ABCB1: variants seen among roughly 807,000 people sequenced by gnomAD.
ABCB1 encodes the protein ATP binding cassette subfamily B member 1.
ABCB1 carries 69 observed loss-of-function variants against 142.0 expected under a neutral mutation model. That is an observed-to-expected ratio of 0.49 (90% confidence interval 0.40 to 0.59). ABCB1 has a LOEUF of 0.59. Among genes scored for constraint, ABCB1 ranks in the 20% least tolerant of loss-of-function variants. The pLI is 0.00. For missense variants in ABCB1, 1,326 were observed against 1,554.7 expected, an observed-to-expected ratio of 0.85 and a Z score of 2.47; for synonymous variants, 532 against 539.2, an observed-to-expected ratio of 0.99 and a Z score of 0.18.
chr7:87,632,394 G>GT (rs796673014), intron 1 of ABCB1, among the ~76,000 whole-genome samples: 30 of 151,952 alleles, frequency 2.0e-4, no homozygotes, highest in African/African-American at 1.2e-4. Context: ...TAATTCATTA[G>GT]TTTTTTTTAG....
At chr7:87,624,361 G>A (rs1223985175) in intron 1 of ABCB1, among the ~76,000 whole-genome samples, 1 of 152,194 alleles carries the variant, frequency 6.6e-6, no homozygotes, top group Non-Finnish European at 1.5e-5. Context: ...ACTTCTCTGA[G>A]ACTAGAATAA....
chr7:87,609,620 A>G (rs1033055575), intron 1 of ABCB1, among the ~76,000 whole-genome samples: 8 of 152,226 alleles, frequency 5.3e-5, no homozygotes, highest in Admixed American at 6.5e-5. Context: ...AGGCGCAATC[A>G]TATTCTCTAG....
intron 1 of ABCB1, among the ~76,000 whole-genome samples, chr7:87,685,453 G>C (rs980550293): frequency 7.9e-5 from 12 of 152,258 alleles, no homozygotes; most frequent in Non-Finnish European, 1.2e-4. Flanking sequence ...TCTTTCATGT[G>C]ATGCCTGGAT....
chr7:87,626,202 CAT>C (rs373606011), intron 1 of ABCB1, among the ~76,000 whole-genome samples: 6 of 108,560 alleles, frequency 5.5e-5, no homozygotes, highest in Admixed American at 2.0e-4. Context: ...ATATATATGT[CAT>C]ATATATGTGT....
rs184514144 is a variant in ABCB1 at position 87,560,746 on chromosome 7, C to T, written c.827+517G>A. Among the ~76,000 whole-genome samples, 3 of 152,252 alleles carry T rather than the reference C, an allele frequency of 2.0e-5. No individual in the cohort carries two copies. The East Asian group carries it at 5.8e-4, about 29-fold the overall frequency. ...AAATTTCAATAAATTACCATCTATGCTTTCAGAAATCTAATAAAAGGGAAC... is the reference window on the plus strand; with the variant it reads ...AAATTTCAATAAATTACCATCTATGTTTTCAGAAATCTAATAAAAGGGAAC... On this transcript the variant is annotated intron_variant, in intron 8 of 27. Transcript: ENST00000622132.
intron 16 of ABCB1, 113 bp from the exon 17 acceptor site, chr7:87,544,388 G>T: frequency 9.4e-7 from 1 of 1,060,096 alleles, no homozygotes; most frequent in Non-Finnish European, 1.4e-6. Flanking sequence ...CCTTATCAAT[G>T]AATAAGTGAT....
chr7:87,558,399 T>C (rs887841702), intron 8 of ABCB1, among the ~76,000 whole-genome samples: 3 of 152,162 alleles, frequency 2.0e-5, no homozygotes, highest in African/African-American at 7.2e-5. Context: ...TACCCAGAGA[T>C]CTTATTGTAT....
At position 87,599,541 on chromosome 7, in the gene ABCB1, G is replaced by A. The variant is rs577290651; in HGVS notation, c.68+576C>T. 2.0e-5 allele frequency among the ~76,000 whole-genome samples: 3 copies of A among 152,232 alleles called. No individual in the cohort carries two copies. The East Asian group carries it at 5.8e-4, about 29-fold the overall frequency. ...AAGTTCATAAGACAGAAACACATAT[G>A]AGCATCCGCCTGTCTGGGGCAGGAA... On this transcript the variant is annotated intron_variant, in intron 2 of 27. Coordinates refer to ENST00000622132, the MANE Select transcript of ABCB1 (RefSeq NM_001348946.2).
At chr7:87,592,539 A>G (rs1306856226) in intron 3 of ABCB1, among the ~76,000 whole-genome samples, 2 of 152,220 alleles carry the variant, frequency 1.3e-5, no homozygotes, top group African/African-American at 2.4e-5. Flanking sequence ...TAGCAGCAAT[A>G]AAGAACTCTT....
At chr7:87,633,520 C>T (rs1232565229) in intron 1 of ABCB1, among the ~76,000 whole-genome samples, 1 of 152,182 alleles carries the variant, frequency 6.6e-6, no homozygotes, top group African/African-American at 2.4e-5. Flanking sequence ...CTTTTGCATC[C>T]TTCTGTTTCT....
chr7:87,586,661 A>T (rs1818772736), intron 3 of ABCB1, among the ~76,000 whole-genome samples: 1 of 152,218 alleles, frequency 6.6e-6, no homozygotes, highest in African/African-American at 2.4e-5. Flanking sequence ...CAAAAAAGAC[A>T]TAGCCACAGA....
chr7:87,516,598 C>A lies in ABCB1; in HGVS notation c.2995G>T (p.Ala999Ser), dbSNP rs72552784. Residue 999 changes from alanine to serine, a missense_variant, in exon 24 of 28, where the codon GCC (alanine) becomes TCC (serine). Transcript: ENST00000622132. ...GQVSSFAPDY[A>S]KAKISAAHII... ...TGGGCTGCTGATATTTTGGCTTTGG[C>A]ATAGTCAGGAGCAAATGAACTGACT... is the stretch of plus-strand genomic sequence containing the variant. 1 of 1,614,164 alleles carries A rather than the reference C, an allele frequency of 6.2e-7. No individual in the cohort carries two copies. Among genetic ancestry groups the A allele is most frequent in the Non-Finnish European group, 8.5e-7 (1 of 1,180,038 alleles).
chr7:87,547,691 G>A (rs144647855), intron 14 of ABCB1, among the ~76,000 whole-genome samples: 2,959 of 152,086 alleles, frequency 0.019, 49 homozygotes, highest in Non-Finnish European at 0.031. Flanking sequence ...GCCACATGAC[G>A]AAACCCTGTC....
At chr7:87,683,577 CT>C (rs1244404337) in intron 1 of ABCB1, among the ~76,000 whole-genome samples, 1 of 152,170 alleles carries the variant, frequency 6.6e-6, no homozygotes, top group African/African-American at 2.4e-5. Flanking sequence ...TGGCCGGTAG[CT>C]GGAGCATTCA....
chr7:87,530,846 A>AAGAAAGC (rs1563037392), intron 21 of ABCB1, among the ~76,000 whole-genome samples: 58 of 61,036 alleles, frequency 9.5e-4, no homozygotes, highest in South Asian at 4.1e-3. Flanking sequence ...AGCAAGAAAG[A>AAGAAAGC]AAGAAAGAAA....
At position 87,663,213 on chromosome 7, in the gene ABCB1, T is replaced by C. The variant is rs375306786; in HGVS notation, c.-331+49948A>G. 4.6e-5 allele frequency among the ~76,000 whole-genome samples: 7 copies of C among 152,268 alleles called. No individual in the cohort carries two copies. In the South Asian group the frequency reaches 8.3e-4, roughly 18 times the overall value. ...AAGGATAATTTGACTTTTTCCTTTT[T>C]AGTTGGATGCCCTTTATTTCTTTCT... On this transcript the variant is annotated intron_variant, in intron 1 of 28. Coordinates refer to the ABCB1 transcript ENST00000265724.
At chr7:87,709,215 C>T (rs1344580459) in intron 1 of ABCB1, 3 of 983,598 alleles carry the variant, frequency 3.1e-6, no homozygotes, top group Non-Finnish European at 3.6e-6. Flanking sequence ...CAAGATTTTC[C>T]CTACATTTCT....
chr7:87,562,094 A>G (rs186378569), intron 7 of ABCB1, among the ~76,000 whole-genome samples: 11 of 152,334 alleles, frequency 7.2e-5, no homozygotes, highest in Admixed American at 6.5e-4. Context: ...GGACTCATTT[A>G]TGTAAGTAAC....
intron 1 of ABCB1, chr7:87,651,054 GTCAAA>G (rs1823521581): frequency 3.2e-6 from 2 of 632,302 alleles, no homozygotes; most frequent in Admixed American, 5.8e-5. Flanking sequence ...AATGTGAAAT[GTCAAA>G]TCTTTTGGCC....
Sources: allele counts gnomAD v4.1 joint callset (sites outside exome capture counted in the v4.1 genomes callset), GRCh38; gene constraint gnomAD v4.1.1; transcripts MANE v1.5; gene names NCBI Gene and HGNC (gene_info 2026-07-23, HGNC 2026-07-21).